The following CUEDC2 variants were observed in gnomAD, a reference collection of about 807,000 sequenced individuals.
CUEDC2 encodes CUE domain-containing protein 2.
In CUEDC2, 10 loss-of-function variants were observed where a neutral mutation model predicts 36.0. That is an observed-to-expected ratio of 0.28 (90% CI 0.17 to 0.47). The LOEUF is 0.47. Ranked by LOEUF, CUEDC2 falls within the 20% of genes least tolerant of loss-of-function variation. The pLI is 0.99. For synonymous variants in CUEDC2, 133 were observed against 141.8 expected (o/e 0.94, Z 0.44); for missense variants, 269 against 368.1 (o/e 0.73, Z 2.20).
rs201476465 is a variant in CUEDC2, at chr10:102,424,558, C to T, written c.221G>A (p.Gly74Asp). The stretch of plus-strand genomic sequence containing the variant: ...CTTCTGCATCATGTCCCCTATTGTG[C>T]CCCTGAAAAGATGAGGGCAGTGAGA... ...YVPGFAHIPR[G>D]TIGDMMQKLS... Residue 74 changes from glycine (G) to aspartate (D), a missense_variant and splice_region_variant, in exon 4 of 9, where the codon GGC becomes GAC. Physicochemically the swap from Gly to Asp is moderately conservative, Grantham distance 94. Transcript: ENST00000369937. This position sits in a 1 kb window ranked among gnomAD's most constrained non-coding sequence, Gnocchi z 4.2. 6.2e-7 allele frequency: 1 copy of T among 1,614,132 alleles called. No individual in the cohort carries two copies. The highest frequency in any genetic ancestry group is 8.5e-7 in the Non-Finnish European group (1 of 1,180,012).
At chr10:102,429,787 G>A (rs2061609845) in intron 1 of CUEDC2, among the ~76,000 whole-genome samples, 2 of 149,572 alleles carry the variant, frequency 1.3e-5, no homozygotes, top group South Asian at 4.3e-4. Context: ...CGGGACAAAG[G>A]CCCATGGCTG....
In CUEDC2 at chr10:102,424,895, C is replaced by A; in HGVS notation, c.75-103G>T. The stretch of plus-strand genomic sequence containing the variant: ...CCCTCAGCTTCATGGGGTCTATGAG[C>A]TAGACCTTTATCTTTAAGGCCAGAG... On this transcript the variant is annotated intron_variant, in intron 2 of 8. Coordinates refer to ENST00000369937, the MANE Select transcript of CUEDC2 (RefSeq NM_024040.3). The surrounding 1 kb of genome is among the most constrained non-coding windows in gnomAD (Gnocchi z 4.2). 1 of 1,277,330 alleles carries A rather than the reference C, an allele frequency of 7.8e-7. No homozygotes were observed. The highest frequency in any genetic ancestry group is 1.3e-5 in the South Asian group (1 of 74,716). 79.1% of individuals were successfully genotyped at this position (1,277,330 alleles called of 1,614,324 possible).
intron 1 of CUEDC2, among the ~76,000 whole-genome samples, chr10:102,431,202 C>G (rs558774864): frequency 1.3e-5 from 2 of 152,130 alleles, no homozygotes; most frequent in Admixed American, 1.3e-4. Context: ...TGCAGTGGTG[C>G]GATCTCAGCT....
chr10:102,429,470 T>C (rs979757124), intron 1 of CUEDC2, among the ~76,000 whole-genome samples: 11 of 151,472 alleles, frequency 7.3e-5, no homozygotes, highest in African/African-American at 2.7e-4. Context: ...ATCAAGACTT[T>C]CAAGTGGGTT....
intron 1 of CUEDC2, among the ~76,000 whole-genome samples, chr10:102,428,503 T>C (rs1222569947): frequency 6.6e-6 from 1 of 152,172 alleles, no homozygotes; most frequent in Non-Finnish European, 1.5e-5. Flanking sequence ...GGTGCTAGGG[T>C]ACACAAACTA....
rs762064469 is a variant in CUEDC2 at position 102,424,591 on chromosome 10, T to C, written c.219-31A>G. ...AAGATGAGGGCAGTGAGAGGATGAC[T>C]CTGCCCACCCCATAATCAGCCAGCC... On this transcript the variant is annotated intron_variant, in intron 3 of 8. Transcript: ENST00000369937. This position sits in a 1 kb window ranked among gnomAD's most constrained non-coding sequence, Gnocchi z 4.2. The C allele has an allele frequency of 1.5e-5, 25 of 1,613,868 alleles. No homozygotes were observed. The highest frequency in any genetic ancestry group is 2.1e-5 in the Non-Finnish European group (25 of 1,179,884).
intron 1 of CUEDC2, among the ~76,000 whole-genome samples, chr10:102,430,751 C>G (rs1340204448): frequency 6.6e-6 from 1 of 152,178 alleles, no homozygotes; most frequent in Admixed American, 6.5e-5. Context: ...CTCAGGGGCT[C>G]CTAATACTTC....
Position 102,423,324 on chromosome 10 carries a change from G to A in CUEDC2, c.*102C>T. 2 of 1,394,440 alleles carry A rather than the reference G, an allele frequency of 1.4e-6. No individual in the cohort carries two copies. Among genetic ancestry groups the A allele is most frequent in the Non-Finnish European group, 2.0e-6 (2 of 993,246 alleles). 86.4% of individuals were successfully genotyped at this position (1,394,440 alleles called of 1,614,324 possible). A position where few individuals can be genotyped will look rare whatever the true frequency, so the allele number is the denominator to read the frequency against. On this transcript the variant is annotated 3_prime_UTR_variant, in exon 9 of 9. Coordinates refer to ENST00000369937, the MANE Select transcript of CUEDC2 (RefSeq NM_024040.3). The surrounding 1 kb of genome is among the most constrained non-coding windows in gnomAD (Gnocchi z 5.6). ...TAACACTATGGAGCAAAGGAGTAGA[G>A]AAGGGGGACAGGAGTTAGGGGGCCC...
intron 1 of CUEDC2, among the ~76,000 whole-genome samples, chr10:102,428,935 T>C (rs1421581886): frequency 6.8e-6 from 1 of 148,090 alleles, no homozygotes; most frequent in African/African-American, 2.5e-5. Flanking sequence ...GGCAGGAGAA[T>C]GACATGAACC....
At position 102,424,298 on chromosome 10, in the gene CUEDC2, G is replaced by C; in HGVS notation, c.377C>G (p.Ser126Cys). The change falls in exon 5 of 9, where the codon TCT becomes TGT. Residue 126 changes from serine (S) to cysteine (C), a missense_variant. By Grantham distance (112) the Ser-to-Cys change is moderately radical. Coordinates refer to ENST00000369937, the MANE Select transcript of CUEDC2 (RefSeq NM_024040.3). This position sits in a 1 kb window ranked among gnomAD's most constrained non-coding sequence, Gnocchi z 4.2. The stretch of plus-strand genomic sequence containing the variant: ...GGTGTCTGCAGCAGCAGCAGCCGAA[G>C]ACCTAGTCTCTTCTTTGAGCATTTC... ...RPEMLKEETR[S>C]SAAAAADTQD... 6.2e-7 allele frequency: 1 copy of C among 1,614,118 alleles called. No individual in the cohort carries two copies. The highest frequency in any genetic ancestry group is 8.5e-7 in the Non-Finnish European group (1 of 1,180,006).
chr10:102,430,912 T>C (rs910959441), intron 1 of CUEDC2, among the ~76,000 whole-genome samples: 4 of 152,182 alleles, frequency 2.6e-5, no homozygotes, highest in Non-Finnish European at 4.4e-5. Context: ...CCATTGCTTC[T>C]TGGGGGCCGC....
In CUEDC2 at chr10:102,423,854, C is replaced by T. The variant is rs1374599870; in HGVS notation, c.600G>A (p.Leu200=). 2 of 1,612,576 alleles carry T rather than the reference C, an allele frequency of 1.2e-6. No individual in the cohort carries two copies. Among genetic ancestry groups the T allele is most frequent in the African/African-American group, 2.7e-5 (2 of 74,886 alleles). Reference sequence around the variant, plus strand: ...TTTGGGGGCCTCTGAGGCGTCTGGGCAGGTCCTGCAGAGAGGGGAGGCCTG... The same window carrying T: ...TTTGGGGGCCTCTGAGGCGTCTGGGTAGGTCCTGCAGAGAGGGGAGGCCTG... ...PAAWEGPNQD[L]PRRLRGPQKD... The change falls in exon 7 of 9, where the codon CTG becomes CTA. Residue 200 remains leucine, a synonymous_variant. Transcript: ENST00000369937. This position sits in a 1 kb window ranked among gnomAD's most constrained non-coding sequence, Gnocchi z 5.6.
intron 1 of CUEDC2, among the ~76,000 whole-genome samples, chr10:102,426,165 G>A (rs960434130): frequency 1.3e-5 from 2 of 152,182 alleles, no homozygotes; most frequent in African/African-American, 4.8e-5. Context: ...TTATTCATGA[G>A]TGTAACCCTA....
intron 1 of CUEDC2, among the ~76,000 whole-genome samples, chr10:102,431,803 T>G (rs1345003280): frequency 6.6e-6 from 1 of 152,172 alleles, no homozygotes; most frequent in Non-Finnish European, 1.5e-5. Context: ...GCCTGGGAGC[T>G]TCCCAAGGGC....
chr10:102,424,040 C>T lies in CUEDC2; in HGVS notation c.550G>A (p.Glu184Lys). 1 of 1,614,142 alleles carries T rather than the reference C, an allele frequency of 6.2e-7. No homozygotes were observed. Among genetic ancestry groups the T allele is most frequent in the Non-Finnish European group, 8.5e-7 (1 of 1,180,002 alleles). Residue 184 changes from glutamate (E) to lysine (K), a missense_variant, in exon 6 of 9, where the codon GAG becomes AAG. Coordinates refer to ENST00000369937, the MANE Select transcript of CUEDC2 (RefSeq NM_024040.3). The surrounding 1 kb of genome is among the most constrained non-coding windows in gnomAD (Gnocchi z 4.2). ...DLEEAVQMLV[E>K]GKEEGPAAWE... ...GCTGCAGGCCCCTCTTCCTTTCCCT[C>T]TACCAGCATCTGCACAGCTTCTTCC...
At chr10:102,427,507 T>C (rs1215323178) in intron 1 of CUEDC2, among the ~76,000 whole-genome samples, 2 of 152,242 alleles carry the variant, frequency 1.3e-5, no homozygotes, top group Non-Finnish European at 2.9e-5. Context: ...AGTAAATGCA[T>C]GTCCAGGCAC....
intron 1 of CUEDC2, among the ~76,000 whole-genome samples, chr10:102,431,749 T>C (rs1018179615): frequency 5.9e-5 from 9 of 152,178 alleles, no homozygotes; most frequent in Non-Finnish European, 1.2e-4. Context: ...GGACTCCCTT[T>C]CTGCAGCCAA....
intron 1 of CUEDC2, among the ~76,000 whole-genome samples, chr10:102,428,243 C>T (rs2061604952): frequency 6.6e-6 from 1 of 152,138 alleles, no homozygotes; most frequent in Non-Finnish European, 1.5e-5. Flanking sequence ...CCGGCCCCAC[C>T]CTGGCTTTCT....
chr10:102,427,288 G>C (rs1387841767), intron 1 of CUEDC2, among the ~76,000 whole-genome samples: 1 of 151,826 alleles, frequency 6.6e-6, no homozygotes, highest in Admixed American at 6.6e-5. Flanking sequence ...TCTCTCTCTG[G>C]AAGATCTCAT....
Sources: allele counts gnomAD v4.1 joint callset (sites outside exome capture counted in the v4.1 genomes callset), GRCh38; gene constraint gnomAD v4.1.1; non-coding constraint Gnocchi (gnomAD v3.1); transcripts MANE v1.5; gene names NCBI Gene and HGNC (gene_info 2026-07-23, HGNC 2026-07-21).